GRID1: variants seen among roughly 807,000 people sequenced by gnomAD.
GRID1 encodes the protein glutamate ionotropic receptor delta type subunit 1, also known as glutamate receptor ionotropic, delta-1.
A neutral mutation model predicts 98.0 loss-of-function variants in GRID1; 28 were observed. The ratio of observed to expected loss-of-function variants is 0.29; its 90% CI spans 0.21 to 0.39. The LOEUF (loss-of-function observed/expected upper bound fraction) is 0.39, where lower values mean the gene tolerates loss of function less well. Among genes scored for constraint, GRID1 ranks in the 10% least tolerant of loss-of-function variants. The pLI is 1.00. For synonymous variants in GRID1, 553 were observed against 538.5 expected, an observed-to-expected ratio of 1.03 and a Z score of -0.37; for missense variants, 1,111 against 1,340.5, an observed-to-expected ratio of 0.83 and a Z score of 2.67.
intron 3 of GRID1, among the ~76,000 whole-genome samples, chr10:86,172,749 T>A (rs986158365): frequency 1.3e-5 from 2 of 152,232 alleles, no homozygotes; most frequent in East Asian, 3.9e-4. Context: ...TAACAGCACC[T>A]AATATTCCAG....
At chr10:85,952,517 G>A (rs569577737) in intron 4 of GRID1, among the ~76,000 whole-genome samples, 1 of 152,228 alleles carries the variant, frequency 6.6e-6, no homozygotes, top group African/African-American at 2.4e-5. Flanking sequence ...TTACTGCAAT[G>A]CCTTCAGGTT....
At chr10:85,651,048 A>G (rs76635691) in intron 12 of GRID1, among the ~76,000 whole-genome samples, 10,178 of 152,206 alleles carry the variant, frequency 0.067, 425 homozygotes, top group African/African-American at 0.12. Context: ...GAAACTCTGA[A>G]GGTGGTGCTC....
chr10:86,289,628 G>T (rs1472597437), intron 2 of GRID1, among the ~76,000 whole-genome samples: 1 of 151,912 alleles, frequency 6.6e-6, no homozygotes, highest in Non-Finnish European at 1.5e-5. Flanking sequence ...TCCTGTAGGG[G>T]GCAGCCACTC....
chr10:86,152,443 A>T (rs1239997505), intron 3 of GRID1, among the ~76,000 whole-genome samples: 1 of 152,204 alleles, frequency 6.6e-6, no homozygotes, highest in Non-Finnish European at 1.5e-5. Flanking sequence ...GGATGACAGC[A>T]ACGGAGACAC....
At chr10:85,743,818 A>G (rs1841972941) in intron 8 of GRID1, among the ~76,000 whole-genome samples, 1 of 152,124 alleles carries the variant, frequency 6.6e-6, no homozygotes, top group Non-Finnish European at 1.5e-5. Context: ...GGTGAATCTA[A>G]CTACTGAAGT....
chr10:85,869,175 G>T lies in GRID1; in HGVS notation c.786C>A (p.Ile262=), dbSNP rs756226871. The T allele has an allele frequency of 6.2e-7, 1 of 1,612,882 alleles. No homozygotes were observed. The highest frequency in any genetic ancestry group is 8.5e-7 in the Non-Finnish European group (1 of 1,178,906). The change falls in exon 6 of 16, where the codon ATC becomes ATA. Residue 262 remains isoleucine, a synonymous_variant. Transcript: ENST00000327946. ...DSHWVFVNEE[I]SDPEILDLVH... is the part of the protein sequence containing the mutation. ...CCAGATCCAGGATCTCCGGGTCACT[G>T]ATTTCCTAGAAAAATAACCAGGCCC...
At chr10:86,152,486 C>T (rs1038067366) in intron 3 of GRID1, among the ~76,000 whole-genome samples, 1 of 152,260 alleles carries the variant, frequency 6.6e-6, no homozygotes, top group Non-Finnish European at 1.5e-5. Context: ...CCCCGCTCTG[C>T]GCCCGAGAGC....
intron 5 of GRID1, among the ~76,000 whole-genome samples, chr10:85,893,249 A>T (rs1365215749): frequency 6.6e-6 from 1 of 152,206 alleles, no homozygotes; most frequent in East Asian, 1.9e-4. Context: ...GATAAAGGAT[A>T]TCAACAATCA....
rs111761209 is a variant in GRID1 at position 86,360,169 on chromosome 10, T to TAA, written c.235+3770_235+3771dup. Among the ~76,000 whole-genome samples, 86 of 150,720 alleles carry TAA rather than the reference T, an allele frequency of 5.7e-4. 1 individual carries two copies. The highest frequency in any genetic ancestry group is 1.8e-3 in the African/African-American group (72 of 41,118). ...TCTCAGCATAAATAGTTCCCTTTTA[T>TAA]AAAAAAAAAAGTTTTGAATATTGAG... On this transcript the variant is annotated intron_variant, in intron 2 of 15. Coordinates refer to ENST00000327946, the MANE Select transcript of GRID1 (RefSeq NM_017551.3).
chr10:86,120,814 T>A lies in GRID1; in HGVS notation c.726+18005A>T, dbSNP rs144130522. Among the ~76,000 whole-genome samples, 213 of 152,290 alleles carry A rather than the reference T, an allele frequency of 1.4e-3. 2 individuals carry two copies. The highest frequency in any genetic ancestry group is 5.1e-3 in the African/African-American group (212 of 41,560). Reference sequence around the variant, plus strand: ...AAGGATTAGAAATACCAGTTTTTGATGAGAAGTGCCTTTGTCGTGGGGGGA... The same window carrying A: ...AAGGATTAGAAATACCAGTTTTTGAAGAGAAGTGCCTTTGTCGTGGGGGGA... On this transcript the variant is annotated intron_variant, in intron 4 of 15. Transcript: ENST00000327946.
chr10:85,704,938 C>T (rs1408415115), intron 12 of GRID1, among the ~76,000 whole-genome samples: 2 of 152,172 alleles, frequency 1.3e-5, no homozygotes, highest in African/African-American at 2.4e-5. Context: ...AAAGACACAA[C>T]ATACCAGAAT....
intron 8 of GRID1, among the ~76,000 whole-genome samples, chr10:85,755,931 C>T (rs189896442): frequency 3.9e-5 from 6 of 152,204 alleles, no homozygotes; most frequent in East Asian, 1.9e-4. Context: ...CCCTGCCATG[C>T]GCTGGACGCC....
At chr10:86,034,532 A>G (rs1329387274) in intron 4 of GRID1, among the ~76,000 whole-genome samples, 1 of 152,084 alleles carries the variant, frequency 6.6e-6, no homozygotes, top group African/African-American at 2.4e-5. Flanking sequence ...GTGATAGAGC[A>G]AGAATTCAAA....
In GRID1 at chr10:85,829,304, C is replaced by CA. The variant is rs200194796; in HGVS notation, c.1233+25191dup. Among the ~76,000 whole-genome samples, 52 of 148,222 alleles carry CA rather than the reference C, an allele frequency of 3.5e-4. 1 individual carries two copies. Among genetic ancestry groups the CA allele is most frequent in the Admixed American group, 1.1e-3 (17 of 14,872 alleles). On this transcript the variant is annotated intron_variant, in intron 8 of 15. Coordinates refer to ENST00000327946, the MANE Select transcript of GRID1 (RefSeq NM_017551.3). Reference sequence around the variant, plus strand: ...AACTAGGCATTAAAATAACATACCTCAAAAAAAAAAGTCATATATAACAAA... The same window carrying CA: ...AACTAGGCATTAAAATAACATACCTCAAAAAAAAAAAGTCATATATAACAAA...
intron 8 of GRID1, among the ~76,000 whole-genome samples, chr10:85,847,827 T>C (rs1843021296): frequency 6.6e-6 from 1 of 152,276 alleles, no homozygotes; most frequent in South Asian, 2.1e-4. Context: ...AAAATGCAAA[T>C]GAATAATCTA....
At chr10:86,081,657 T>C (rs1843980111) in intron 4 of GRID1, among the ~76,000 whole-genome samples, 2 of 152,154 alleles carry the variant, frequency 1.3e-5, no homozygotes, top group South Asian at 4.1e-4. Context: ...CTGTGGCACA[T>C]CCAGACAATG....
intron 8 of GRID1, among the ~76,000 whole-genome samples, chr10:85,735,276 C>T (rs1357613790): frequency 6.6e-6 from 1 of 152,192 alleles, no homozygotes; most frequent in African/African-American, 2.4e-5. Flanking sequence ...ACAAGTACTG[C>T]TGCTATTTGA....
At chr10:85,604,741 T>A (rs1359212899) in intron 15 of GRID1, among the ~76,000 whole-genome samples, 1 of 152,232 alleles carries the variant, frequency 6.6e-6, no homozygotes. Flanking sequence ...ACTTTGCTAC[T>A]TTTTGTGTAT....
chr10:85,767,025 G>A (rs937409660), intron 8 of GRID1, among the ~76,000 whole-genome samples: 10 of 152,140 alleles, frequency 6.6e-5, no homozygotes, highest in African/African-American at 2.4e-4. Context: ...CTTGTTTCCT[G>A]TAGTCAAATC....
Sources: gnomAD v4.1 joint callset for allele counts (sites outside exome capture counted in the v4.1 genomes callset) on GRCh38, gnomAD v4.1.1 for gene constraint, MANE v1.5 for transcripts, NCBI Gene and HGNC (gene_info 2026-07-23, HGNC 2026-07-21) for gene names.